The following SYT16 variants were observed in gnomAD, a reference collection of about 807,000 sequenced individuals.
The protein encoded by SYT16 is synaptotagmin-16.
SYT16 carries 42 observed loss-of-function variants against 61.4 expected under a neutral mutation model. The observed-to-expected ratio is 0.68, with a 90% CI of 0.53 to 0.89. The LOEUF is 0.89. SYT16 is among the 40% of genes least tolerant of loss of function. The probability of loss-of-function intolerance (pLI) is 0.00; values close to 1 mark genes in which losing one functional copy is unlikely to be tolerated. For synonymous variants in SYT16, 314 were observed against 302.3 expected (o/e 1.04, Z -0.40); for missense variants, 804 against 807.3 (o/e 1.00, Z 0.05).
intron 1 of SYT16, among the ~76,000 whole-genome samples, chr14:61,827,591 T>C (rs2045811151): frequency 6.6e-6 from 1 of 152,262 alleles, no homozygotes; most frequent in Non-Finnish European, 1.5e-5. Context: ...AATGCTATTA[T>C]TGTTAACCAA....
At chr14:62,055,383 A>C (rs993112681) in intron 3 of SYT16, among the ~76,000 whole-genome samples, 4 of 152,248 alleles carry the variant, frequency 2.6e-5, no homozygotes, top group African/African-American at 9.6e-5. Context: ...AACAGCTTAG[A>C]GTAATCATCA....
chr14:62,045,905 A>G (rs1424961341), intron 3 of SYT16, among the ~76,000 whole-genome samples: 1 of 152,212 alleles, frequency 6.6e-6, no homozygotes, highest in African/African-American at 2.4e-5. Context: ...TAGTGCCGCA[A>G]TAAACATACG....
intron 3 of SYT16, among the ~76,000 whole-genome samples, chr14:62,050,224 G>A (rs2055208395): frequency 1.3e-5 from 2 of 151,844 alleles, no homozygotes; most frequent in South Asian, 2.1e-4. Context: ...CGTTCATTTT[G>A]TCTTCCTTTG....
At position 62,106,897 on chromosome 14, in the gene SYT16, G is replaced by A. The variant is rs996039997; in HGVS notation, c.*6190G>A. Reference sequence around the variant, plus strand: ...GGAGATCTGAGGCCTTTCTTGGAATGAAGCCGCTAACTTGCTAACTGCTTT... The same window carrying A: ...GGAGATCTGAGGCCTTTCTTGGAATAAAGCCGCTAACTTGCTAACTGCTTT... On this transcript the variant is annotated 3_prime_UTR_variant, in exon 8 of 8. Transcript: ENST00000683842. 1 of 152,110 alleles carries A rather than the reference G, an allele frequency of 6.6e-6. No individual in the cohort carries two copies. Among genetic ancestry groups the A allele is most frequent in the African/African-American group, 2.4e-5 (1 of 41,418 alleles). 9.4% of individuals were successfully genotyped at this position (152,110 alleles called of 1,614,324 possible). A position where few individuals can be genotyped will look rare whatever the true frequency, so the allele number is the denominator to read the frequency against.
At chr14:61,930,375 T>TC (rs1250707905) in intron 1 of SYT16, among the ~76,000 whole-genome samples, 1 of 151,928 alleles carries the variant, frequency 6.6e-6, no homozygotes, top group Non-Finnish European at 1.5e-5. Context: ...TTGCATGTGT[T>TC]CCCGGTCTCT....
chr14:61,937,233 G>A (rs914790647), intron 1 of SYT16, among the ~76,000 whole-genome samples: 9 of 152,236 alleles, frequency 5.9e-5, no homozygotes, highest in Admixed American at 2.6e-4. Flanking sequence ...GTTATCATTT[G>A]TAATTGCTGG....
At chr14:62,091,037 G>T (rs1393459447) in intron 7 of SYT16, among the ~76,000 whole-genome samples, 1 of 152,098 alleles carries the variant, frequency 6.6e-6, no homozygotes, top group Non-Finnish European at 1.5e-5. Flanking sequence ...GGAAGTATGG[G>T]AGCCACAATT....
intron 1 of SYT16, among the ~76,000 whole-genome samples, chr14:61,845,529 A>G (rs889494416): frequency 6.6e-6 from 1 of 152,184 alleles, no homozygotes; most frequent in African/African-American, 2.4e-5. Context: ...TTTCTGCAGT[A>G]TCAGTTGTAA....
intron 1 of SYT16, among the ~76,000 whole-genome samples, chr14:61,839,717 C>G (rs977289390): frequency 1.4e-4 from 22 of 152,122 alleles, no homozygotes; most frequent in African/African-American, 5.3e-4. Flanking sequence ...TTTGAAAAGC[C>G]AACAAAATCG....
Position 61,944,489 on chromosome 14 carries a change from C to T in SYT16, c.-324-25643C>T, listed in dbSNP as rs993303220. On this transcript the variant is annotated intron_variant, in intron 1 of 7. Coordinates refer to ENST00000683842, the MANE Select transcript of SYT16 (RefSeq NM_001367656.1). ...CGCTACCTGACTTCTAACTATACTA[C>T]AAGGCTACAGTAACCAAAACAGCAT... Among the ~76,000 whole-genome samples the T allele has an allele frequency of 7.9e-5, 12 of 152,164 alleles. 1 individual carries two copies. The highest frequency in any genetic ancestry group is 7.9e-4 in the Admixed American group (12 of 15,272).
At chr14:62,098,571 G>A (rs2141018154) in intron 7 of SYT16, among the ~76,000 whole-genome samples, 1 of 152,284 alleles carries the variant, frequency 6.6e-6, no homozygotes, top group African/African-American at 2.4e-5. Flanking sequence ...AGGAGGTTTA[G>A]CTTTATTGCA....
intron 1 of SYT16, among the ~76,000 whole-genome samples, chr14:61,880,462 A>C (rs759065772): frequency 6.6e-6 from 1 of 152,032 alleles, no homozygotes; most frequent in Non-Finnish European, 1.5e-5. Context: ...GTCCTTTACT[A>C]TTTCATGTGC....
intron 1 of SYT16, among the ~76,000 whole-genome samples, chr14:61,885,625 A>T (rs991021181): frequency 3.3e-5 from 5 of 152,184 alleles, no homozygotes. Flanking sequence ...CTTGATAGAT[A>T]TTATTTCTAT....
chr14:61,925,428 G>A (rs1351541311), intron 1 of SYT16, among the ~76,000 whole-genome samples: 4 of 152,182 alleles, frequency 2.6e-5, no homozygotes, highest in East Asian at 1.9e-4. Flanking sequence ...AGTGTCCAAC[G>A]TGGACACAAA....
intron 1 of SYT16, among the ~76,000 whole-genome samples, chr14:61,840,361 C>A (rs369771687): frequency 6.6e-6 from 1 of 151,856 alleles, no homozygotes; most frequent in Non-Finnish European, 1.5e-5. Context: ...TTAGGGAAAC[C>A]CCAAGAATGG....
intron 1 of SYT16, among the ~76,000 whole-genome samples, chr14:61,911,506 A>C (rs1296511286): frequency 6.6e-6 from 1 of 152,192 alleles, no homozygotes; most frequent in African/African-American, 2.4e-5. Flanking sequence ...AAAATGTACA[A>C]AAGAAGATGC....
intron 1 of SYT16, among the ~76,000 whole-genome samples, chr14:61,959,368 GA>G (rs1287273580): frequency 1.3e-5 from 2 of 151,342 alleles, no homozygotes; most frequent in African/African-American, 4.9e-5. Context: ...TTTGTGTTTT[GA>G]TTTTTTTTAT....
At chr14:62,079,440 A>C in intron 5 of SYT16, 1 of 818,640 alleles carries the variant, frequency 1.2e-6, no homozygotes, top group Non-Finnish European at 1.7e-6. Flanking sequence ...TACCATCTCC[A>C]TTTTACAGTT....
intron 3 of SYT16, among the ~76,000 whole-genome samples, chr14:62,016,305 G>C (rs1480186643): frequency 1.3e-5 from 2 of 152,170 alleles, no homozygotes; most frequent in Non-Finnish European, 2.9e-5. Flanking sequence ...ATACATACCA[G>C]AGAGGCACTA....
Sources: gnomAD v4.1 joint callset for allele counts (sites outside exome capture counted in the v4.1 genomes callset) on GRCh38, gnomAD v4.1.1 for gene constraint, MANE v1.5 for transcripts, NCBI Gene and HGNC (gene_info 2026-07-23, HGNC 2026-07-21) for gene names.